DST: variants seen among roughly 807,000 people sequenced by gnomAD.
DST encodes the protein bullous pemphigoid antigen.
Under a neutral mutation model 875.2 loss-of-function variants are expected in DST, and 253 were observed. The ratio of observed to expected loss-of-function variants is 0.29; its 90% CI spans 0.26 to 0.32. The LOEUF (loss-of-function observed/expected upper bound fraction) is 0.32, where lower values mean the gene tolerates loss of function less well. DST is among the 10% of genes least tolerant of loss of function. The pLI, the probability that DST is intolerant of heterozygous loss-of-function variation, is 1.00. For missense variants in DST, 8,287 were observed against 9,111.6 expected (o/e 0.91, Z 3.68); for synonymous variants, 3,124 against 3,197.1 (o/e 0.98, Z 0.77).
Position 56,636,641 on chromosome 6 carries a change from C to T in DST, c.2976G>A (p.Ala992=), listed in dbSNP as rs755236728. 1.7e-5 allele frequency: 28 copies of T among 1,613,206 alleles called. No individual in the cohort carries two copies. Among genetic ancestry groups the T allele is most frequent in the South Asian group, 2.2e-5 (2 of 91,088 alleles). ...PARLTIEAYR[A]AMQTQWSWIL... ...TCCAGCTCCACTGCGTCTGCATTGCCGCTCTGTAGGCCTTAAAGATAAAAC... is the reference window on the plus strand; with the variant it reads ...TCCAGCTCCACTGCGTCTGCATTGCTGCTCTGTAGGCCTTAAAGATAAAAC... The change falls in exon 23 of 104, where the codon GCG becomes GCA. Residue 992 remains alanine (A), a synonymous_variant. Transcript: ENST00000680361.
chr6:56,828,055 A>G (rs1386469107), intron 4 of DST, among the ~76,000 whole-genome samples: 1 of 152,164 alleles, frequency 6.6e-6, no homozygotes, highest in African/African-American at 2.4e-5. Context: ...TGATGCATGT[A>G]GCATCACATT....
intron 2 of DST, among the ~76,000 whole-genome samples, chr6:56,916,823 C>CACAG (rs555473872): frequency 2.0e-3 from 276 of 140,658 alleles, no homozygotes; most frequent in East Asian, 5.2e-3. Context: ...CACACACACA[C>CACAG]AGAGAGACAG....
At chr6:56,874,340 TA>T (rs887366276) in intron 3 of DST, among the ~76,000 whole-genome samples, 37 of 152,036 alleles carry the variant, frequency 2.4e-4, no homozygotes, top group African/African-American at 8.2e-4. Context: ...TCCCATCTCT[TA>T]AAAAAAATCA....
rs59394529 is a variant in DST at position 56,774,113 on chromosome 6, C to CAAAAAAAAA, written c.626-38833_626-38825dup. On this transcript the variant is annotated intron_variant, in intron 4 of 103. Transcript: ENST00000680361. Reference sequence around the variant, plus strand: ...TGGGCAACAGAGTGAGATTCTGTCTCAAAAAAAAAAAAAAAAAAAGAATTT... The same window carrying CAAAAAAAAA: ...TGGGCAACAGAGTGAGATTCTGTCTCAAAAAAAAAAAAAAAAAAAAAAAAAAAAGAATTT... Among the ~76,000 whole-genome samples the CAAAAAAAAA allele has an allele frequency of 2.2e-3, 170 of 76,142 alleles. 3 individuals are homozygous for CAAAAAAAAA. Among genetic ancestry groups the CAAAAAAAAA allele is most frequent in the African/African-American group, 7.1e-3 (160 of 22,392 alleles). 50.0% of individuals were successfully genotyped at this position (76,142 alleles called of 152,430 possible).
intron 2 of DST, among the ~76,000 whole-genome samples, chr6:56,923,796 A>G (rs1366890661): frequency 6.6e-6 from 1 of 152,142 alleles, no homozygotes; most frequent in Admixed American, 6.5e-5. Context: ...GTCTACTCAA[A>G]TCCACCAGTT....
intron 3 of DST, among the ~76,000 whole-genome samples, chr6:56,868,437 G>C (rs1341257381): frequency 6.6e-6 from 1 of 152,088 alleles, no homozygotes; most frequent in African/African-American, 2.4e-5. Context: ...AACTTCTAAA[G>C]AGCCTCTTTA....
chr6:56,708,916 C>A (rs1588992215), intron 5 of DST, among the ~76,000 whole-genome samples: 1 of 152,176 alleles, frequency 6.6e-6, no homozygotes, highest in Non-Finnish European at 1.5e-5. Flanking sequence ...ACTATACTAA[C>A]CGCCAATATC....
chr6:56,698,990 T>C (rs2099278781), intron 9 of DST, among the ~76,000 whole-genome samples: 3 of 152,190 alleles, frequency 2.0e-5, no homozygotes, highest in South Asian at 2.1e-4. Context: ...TAGCAGAACA[T>C]TTCTTAAGCA....
chr6:56,472,531 G>A (rs532933687), intron 93 of DST, among the ~76,000 whole-genome samples: 14 of 152,052 alleles, frequency 9.2e-5, no homozygotes, highest in Middle Eastern at 3.2e-3. Context: ...CAATGACAAC[G>A]AAGCATGCTG....
intron 2 of DST, among the ~76,000 whole-genome samples, chr6:56,944,734 G>A (rs961760269): frequency 6.6e-6 from 1 of 152,132 alleles, no homozygotes; most frequent in African/African-American, 2.4e-5. Flanking sequence ...AAGTAGGGGA[G>A]AAATATGCAT....
intron 3 of DST, among the ~76,000 whole-genome samples, chr6:56,870,089 A>C (rs1776285655): frequency 6.6e-6 from 1 of 152,106 alleles, no homozygotes; most frequent in African/African-American, 2.4e-5. Flanking sequence ...GATAAAGTTC[A>C]GTCAAAAATG....
At chr6:56,872,832 C>CTTT (rs1554220821) in intron 3 of DST, among the ~76,000 whole-genome samples, 48 of 127,888 alleles carry the variant, frequency 3.8e-4, no homozygotes, top group African/African-American at 1.3e-3. Flanking sequence ...TCCCCCCCCC[C>CTTT]TTTTTTTTTT....
chr6:56,631,477 A>G, intron 29 of DST, 88 bp from the exon 30 acceptor site: 4 of 1,035,620 alleles, frequency 3.9e-6, no homozygotes, highest in South Asian at 2.7e-5. Flanking sequence ...CACATTTCAC[A>G]TTAAGAACCA....
At chr6:56,783,301 T>A (rs2152994713) in intron 4 of DST, among the ~76,000 whole-genome samples, 1 of 152,310 alleles carries the variant, frequency 6.6e-6, no homozygotes, top group South Asian at 2.1e-4. Flanking sequence ...GTCTCATTGA[T>A]CTGTCTAATG....
intron 4 of DST, among the ~76,000 whole-genome samples, chr6:56,823,201 G>A (rs2099775207): frequency 1.3e-5 from 2 of 152,218 alleles, no homozygotes; most frequent in East Asian, 1.9e-4. Context: ...AAGTAAGTCT[G>A]TCCGTGAATT....
intron 2 of DST, among the ~76,000 whole-genome samples, chr6:56,944,431 A>T (rs565752335): frequency 1.3e-5 from 2 of 151,792 alleles, no homozygotes; most frequent in African/African-American, 4.8e-5. Context: ...TATGAACTGG[A>T]CTTTCAAGAA....
rs9396229 is a variant in DST at position 56,621,520 on chromosome 6, A to G, written c.4929+3010T>C. ...GAATCACTTTGACAAGCACCTTTAAATACTCCATAAATATAAAGATATTTG... is the reference window on the plus strand; with the variant it reads ...GAATCACTTTGACAAGCACCTTTAAGTACTCCATAAATATAAAGATATTTG... On this transcript the variant is annotated intron_variant, in intron 36 of 103. Coordinates refer to ENST00000680361, the MANE Select transcript of DST (RefSeq NM_001374736.1). Among the ~76,000 whole-genome samples the G allele has an allele frequency of 1.5e-3, 224 of 152,338 alleles. 2 individuals carry two copies. The East Asian group carries it at 0.037, about 25-fold the overall frequency.
chr6:56,798,746 GAAAAAATTCACC>G (rs1018661868), intron 4 of DST, among the ~76,000 whole-genome samples: 1 of 152,088 alleles, frequency 6.6e-6, no homozygotes, highest in African/African-American at 2.4e-5. Context: ...AAATATTCTG[GAAAAAATTCACC>G]AAAAAATTCA....
chr6:56,556,722 T>C (rs1046999224), intron 59 of DST, among the ~76,000 whole-genome samples: 4 of 152,190 alleles, frequency 2.6e-5, no homozygotes, highest in Non-Finnish European at 5.9e-5. Context: ...CTGTAAAACA[T>C]TAAACATTAA....
Sources: gnomAD v4.1 joint callset for allele counts (sites outside exome capture counted in the v4.1 genomes callset) on GRCh38, gnomAD v4.1.1 for gene constraint, MANE v1.5 for transcripts, NCBI Gene and HGNC (gene_info 2026-07-23, HGNC 2026-07-21) for gene names.